Variants in PTPRM observed in about 807,000 individuals in gnomAD.
PTPRM encodes the protein receptor-type tyrosine-protein phosphatase mu.
In PTPRM, 47 loss-of-function variants were observed where a neutral mutation model predicts 186.7. The ratio of observed to expected loss-of-function variants is 0.25; its 90% CI spans 0.20 to 0.32. The LOEUF (loss-of-function observed/expected upper bound fraction) is 0.32. PTPRM is among the 10% of genes least tolerant of loss of function. PTPRM has a pLI of 1.00. For synonymous variants in PTPRM, 668 were observed against 674.9 expected, an observed-to-expected ratio of 0.99 and a Z score of 0.16; for missense variants, 1,494 against 1,865.0, an observed-to-expected ratio of 0.80 and a Z score of 3.66.
Position 7,574,226 on chromosome 18 carries a change from T to C in PTPRM, c.73+6335T>C, listed in dbSNP as rs2036631363. Reference sequence around the variant, plus strand: ...CCAACATGGTGATGTGATCGTGTTGTCTCTGGCCAGACACTGGGGAAGAGA... The same window carrying C: ...CCAACATGGTGATGTGATCGTGTTGCCTCTGGCCAGACACTGGGGAAGAGA... On this transcript the variant is annotated intron_variant, in intron 1 of 32. Coordinates refer to ENST00000580170, the MANE Select transcript of PTPRM (RefSeq NM_001105244.2). Among the ~76,000 whole-genome samples, 3 of 152,198 alleles carry C rather than the reference T, an allele frequency of 2.0e-5. No individual in the cohort carries two copies. The South Asian group carries it at 6.2e-4, about 32-fold the overall frequency.
chr18:8,395,873 C>T (rs1025526690), intron 32 of PTPRM, among the ~76,000 whole-genome samples: 7 of 152,190 alleles, frequency 4.6e-5, no homozygotes, highest in African/African-American at 1.7e-4. Flanking sequence ...CACTTAACTC[C>T]CTTAGGTTTT....
intron 2 of PTPRM, among the ~76,000 whole-genome samples, chr18:7,843,954 T>C (rs186026095): frequency 6.6e-6 from 1 of 152,308 alleles, no homozygotes; most frequent in South Asian, 2.1e-4. Flanking sequence ...TGGGATAACA[T>C]ACATATGGCC....
chr18:8,011,664 T>TTA (rs1310025652), intron 7 of PTPRM, among the ~76,000 whole-genome samples: 3 of 152,206 alleles, frequency 2.0e-5, no homozygotes, highest in Non-Finnish European at 4.4e-5. Flanking sequence ...AAGGCAGACT[T>TTA]TAGAGTTTCA....
intron 9 of PTPRM, 116 bp downstream of exon 9, chr18:8,076,680 C>T (rs1332428396): frequency 1.8e-6 from 1 of 547,454 alleles, no homozygotes; most frequent in Admixed American, 3.8e-5. Flanking sequence ...AAGTTTAATG[C>T]TTTCAGTAGT....
intron 5 of PTPRM, among the ~76,000 whole-genome samples, chr18:7,929,600 G>A (rs1237138547): frequency 6.6e-6 from 1 of 152,194 alleles, no homozygotes; most frequent in African/African-American, 2.4e-5. Context: ...TGGTTGGGTA[G>A]GCATTTTGTG....
chr18:7,688,769 T>G (rs1342055684), intron 1 of PTPRM, among the ~76,000 whole-genome samples: 5 of 152,190 alleles, frequency 3.3e-5, no homozygotes, highest in Non-Finnish European at 7.3e-5. Context: ...TGTGGCCAAC[T>G]TGTCAGGAAT....
At chr18:7,803,484 C>A (rs2044077048) in intron 2 of PTPRM, among the ~76,000 whole-genome samples, 1 of 152,276 alleles carries the variant, frequency 6.6e-6, no homozygotes, top group South Asian at 2.1e-4. Flanking sequence ...AGCTGCTGAG[C>A]AACTTTAATT....
At chr18:7,710,928 G>A (rs975649922) in intron 1 of PTPRM, among the ~76,000 whole-genome samples, 1 of 152,176 alleles carries the variant, frequency 6.6e-6, no homozygotes, top group Admixed American at 6.5e-5. Context: ...AAACACCCAT[G>A]CTCATGGATG....
At chr18:8,059,242 T>C (rs2088283646) in intron 7 of PTPRM, among the ~76,000 whole-genome samples, 1 of 130,704 alleles carries the variant, frequency 7.7e-6, no homozygotes, top group East Asian at 2.3e-4. Flanking sequence ...CACTCATGAT[T>C]TGGCTCTCTG....
At chr18:7,893,863 C>G (rs2049204117) in intron 3 of PTPRM, among the ~76,000 whole-genome samples, 1 of 152,106 alleles carries the variant, frequency 6.6e-6, no homozygotes, top group African/African-American at 2.4e-5. Context: ...TATGTAAGAC[C>G]TGAATGAGGT....
At chr18:7,584,499 A>G (rs2036925407) in intron 1 of PTPRM, among the ~76,000 whole-genome samples, 1 of 151,926 alleles carries the variant, frequency 6.6e-6, no homozygotes, top group African/African-American at 2.4e-5. Context: ...TAAAATTGAT[A>G]CTCTAATAAT....
intron 19 of PTPRM, among the ~76,000 whole-genome samples, chr18:8,282,263 A>G (rs925920621): frequency 6.6e-6 from 1 of 152,200 alleles, no homozygotes; most frequent in African/African-American, 2.4e-5. Flanking sequence ...AGCAGAGACA[A>G]TACCAAATGT....
intron 14 of PTPRM, among the ~76,000 whole-genome samples, chr18:8,242,561 T>C (rs2094442235): frequency 6.6e-6 from 1 of 152,194 alleles, no homozygotes; most frequent in African/African-American, 2.4e-5. Context: ...TGCTGGCTCA[T>C]CTTTCAAAAT....
intron 23 of PTPRM, among the ~76,000 whole-genome samples, chr18:8,349,518 C>G (rs2095522968): frequency 6.6e-6 from 1 of 152,168 alleles, no homozygotes; most frequent in Non-Finnish European, 1.5e-5. Flanking sequence ...CACTCCTCAT[C>G]TCAATCTACT....
intron 7 of PTPRM, among the ~76,000 whole-genome samples, chr18:7,989,700 A>G (rs372337693): frequency 2.0e-5 from 3 of 152,092 alleles, no homozygotes; most frequent in African/African-American, 7.2e-5. Flanking sequence ...TAACATTTTT[A>G]ATGTTGAATT....
chr18:7,726,349 TGTTGA>T (rs1455843596), intron 1 of PTPRM, among the ~76,000 whole-genome samples: 1 of 152,226 alleles, frequency 6.6e-6, no homozygotes, highest in Non-Finnish European at 1.5e-5. Flanking sequence ...GGTCATTTCT[TGTTGA>T]GTTTTAAGAT....
chr18:8,358,008 T>G (rs1290025394), intron 23 of PTPRM, among the ~76,000 whole-genome samples: 1 of 152,182 alleles, frequency 6.6e-6, no homozygotes, highest in African/African-American at 2.4e-5. Flanking sequence ...TGAGGTTTCT[T>G]ATATAAAACT....
At chr18:8,156,332 A>G (rs550562767) in intron 14 of PTPRM, among the ~76,000 whole-genome samples, 3 of 152,340 alleles carry the variant, frequency 2.0e-5, no homozygotes, top group African/African-American at 7.2e-5. Context: ...TCAGAGAATG[A>G]TAAGAGTCAT....
intron 5 of PTPRM, among the ~76,000 whole-genome samples, chr18:7,944,800 C>CT (rs1465511476): frequency 6.6e-6 from 1 of 152,126 alleles, no homozygotes; most frequent in Non-Finnish European, 1.5e-5. Context: ...TATTCCCTGC[C>CT]TAAGAAACTT....
Sources: gnomAD v4.1 joint callset for allele counts (sites outside exome capture counted in the v4.1 genomes callset) on GRCh38, gnomAD v4.1.1 for gene constraint, MANE v1.5 for transcripts, NCBI Gene and HGNC (gene_info 2026-07-23, HGNC 2026-07-21) for gene names.